CACNA2D1: variants seen among roughly 807,000 people sequenced by gnomAD.
CACNA2D1 encodes calcium voltage-gated channel auxiliary subunit alpha2delta 1, also known as voltage-dependent calcium channel subunit alpha-2/delta-1.
In CACNA2D1, 53 loss-of-function variants were observed where a neutral mutation model predicts 171.5. That is an observed-to-expected ratio of 0.31 (90% CI 0.25 to 0.39). The LOEUF (loss-of-function observed/expected upper bound fraction) is 0.39. Ranked by LOEUF, CACNA2D1 falls within the 10% of genes least tolerant of loss-of-function variation. The probability of loss-of-function intolerance (pLI) is 1.00; values close to 1 mark genes in which losing one functional copy is unlikely to be tolerated. For synonymous variants in CACNA2D1, 442 were observed against 443.1 expected, an observed-to-expected ratio of 1.00 and a Z score of 0.03; for missense variants, 903 against 1,299.8, an observed-to-expected ratio of 0.69 and a Z score of 4.69.
chr7:82,197,175 T>C (rs906616183), intron 3 of CACNA2D1, among the ~76,000 whole-genome samples: 1 of 151,950 alleles, frequency 6.6e-6, no homozygotes, highest in Non-Finnish European at 1.5e-5. Context: ...TAATCTTTAC[T>C]AAAGATTACT....
intron 3 of CACNA2D1, among the ~76,000 whole-genome samples, chr7:82,206,728 C>T (rs1376976696): frequency 6.6e-6 from 1 of 151,984 alleles, no homozygotes; most frequent in East Asian, 1.9e-4. Context: ...AGGATAAAAA[C>T]TATTTTTCCA....
At chr7:82,006,558 A>T (rs554766506) in intron 16 of CACNA2D1, among the ~76,000 whole-genome samples, 266 of 152,216 alleles carry the variant, frequency 1.7e-3, no homozygotes, top group African/African-American at 6.1e-3. Context: ...AAAATTATAA[A>T]ATCTAGTAAT....
chr7:82,374,942 T>G (rs1204976109), intron 1 of CACNA2D1, among the ~76,000 whole-genome samples: 1 of 148,890 alleles, frequency 6.7e-6, no homozygotes, highest in African/African-American at 2.6e-5. Flanking sequence ...AAGGGATCTC[T>G]CTAAAGGATT....
intron 10 of CACNA2D1, among the ~76,000 whole-genome samples, chr7:82,046,900 T>C (rs1266502943): frequency 1.3e-5 from 2 of 152,234 alleles, no homozygotes; most frequent in African/African-American, 4.8e-5. Flanking sequence ...AAATCTTGGA[T>C]GGATTTCTGA....
At chr7:82,237,259 T>C (rs1803693400) in intron 3 of CACNA2D1, among the ~76,000 whole-genome samples, 2 of 131,430 alleles carry the variant, frequency 1.5e-5, no homozygotes, top group Non-Finnish European at 3.7e-5. Flanking sequence ...ATAATCATTT[T>C]CCCCCTGACA....
chr7:81,953,600 G>A (rs1792859241), intron 38 of CACNA2D1, among the ~76,000 whole-genome samples: 1 of 151,634 alleles, frequency 6.6e-6, no homozygotes, highest in Non-Finnish European at 1.5e-5. Flanking sequence ...TTCATACACA[G>A]AAGAGTGGCT....
intron 1 of CACNA2D1, among the ~76,000 whole-genome samples, chr7:82,373,119 G>T (rs184996337): frequency 3.3e-5 from 5 of 152,266 alleles, no homozygotes; most frequent in African/African-American, 1.2e-4. Flanking sequence ...AGGAGGCAAA[G>T]GTTGCAGTGA....
chr7:82,052,854 A>G (rs1805345674), intron 10 of CACNA2D1, among the ~76,000 whole-genome samples: 2 of 152,158 alleles, frequency 1.3e-5, no homozygotes, highest in African/African-American at 4.8e-5. Context: ...GACTTTTTCT[A>G]CTGTTTTCTT....
chr7:82,279,215 T>C (rs536326830), intron 3 of CACNA2D1, among the ~76,000 whole-genome samples: 5 of 152,356 alleles, frequency 3.3e-5, no homozygotes, highest in African/African-American at 1.2e-4. Context: ...CTGAAATGAA[T>C]ATGTTCTGCA....
chr7:81,993,966 G>A (rs1797802805), intron 20 of CACNA2D1, among the ~76,000 whole-genome samples: 1 of 151,988 alleles, frequency 6.6e-6, no homozygotes, highest in Non-Finnish European at 1.5e-5. Flanking sequence ...ACCTCCCTTT[G>A]CGTTCTGTAA....
intron 6 of CACNA2D1, 81 bp from the exon 7 acceptor site, chr7:82,084,981 A>G: frequency 1.7e-6 from 2 of 1,150,178 alleles, no homozygotes; most frequent in Middle Eastern, 2.1e-4. Context: ...ACAAAATAAT[A>G]TTAAATATGT....
chr7:82,003,323 T>C (rs924926995), intron 18 of CACNA2D1, among the ~76,000 whole-genome samples: 2 of 152,088 alleles, frequency 1.3e-5, no homozygotes, highest in African/African-American at 4.8e-5. Context: ...AATATAAAGA[T>C]ATGCAAAGCT....
chr7:82,416,797 A>AGGAATTTT (rs1028263267), intron 1 of CACNA2D1, among the ~76,000 whole-genome samples: 1 of 152,310 alleles, frequency 6.6e-6, no homozygotes, highest in African/African-American at 2.4e-5. Flanking sequence ...AATTCAACAC[A>AGGAATTTT]GGAATTTTGG....
rs149600505 is a variant in CACNA2D1 at position 82,439,111 on chromosome 7, T to C, written c.95+4254A>G. Among the ~76,000 whole-genome samples, 24 of 152,186 alleles carry C rather than the reference T, an allele frequency of 1.6e-4. No homozygotes were observed. In the East Asian group the frequency reaches 2.3e-3, roughly 15 times the overall value. On this transcript the variant is annotated intron_variant, in intron 1 of 38. Transcript: ENST00000356860. ...AAATTCTTGGAAACTTGCATCTATA[T>C]TGAGAAATAGGGAAATCAAGAGAAA...
chr7:82,172,205 C>T (rs933833971), intron 3 of CACNA2D1, among the ~76,000 whole-genome samples: 4 of 151,874 alleles, frequency 2.6e-5, no homozygotes, highest in African/African-American at 9.7e-5. Context: ...CATAGAGTAA[C>T]CAAAAGGCGG....
chr7:82,299,746 T>G (rs1242879963), intron 3 of CACNA2D1, among the ~76,000 whole-genome samples: 4 of 152,134 alleles, frequency 2.6e-5, no homozygotes, highest in African/African-American at 9.7e-5. Context: ...AACTTCAGTT[T>G]TATTATATGA....
intron 4 of CACNA2D1, among the ~76,000 whole-genome samples, chr7:82,150,105 C>T (rs529058486): frequency 2.1e-4 from 32 of 152,036 alleles, no homozygotes; most frequent in African/African-American, 7.5e-4. Context: ...AATGCTTAAA[C>T]GGCTTTAAGC....
intron 2 of CACNA2D1, among the ~76,000 whole-genome samples, chr7:82,339,591 G>A (rs1260673446): frequency 6.6e-6 from 1 of 152,134 alleles, no homozygotes; most frequent in Non-Finnish European, 1.5e-5. Flanking sequence ...GGCATGTAAC[G>A]AGCCAAATAT....
At chr7:82,007,195 A>C (rs1799205785) in intron 16 of CACNA2D1, among the ~76,000 whole-genome samples, 1 of 152,180 alleles carries the variant, frequency 6.6e-6, no homozygotes, top group Admixed American at 6.5e-5. Flanking sequence ...ATAGAAAAAA[A>C]AAGAGAAATA....
Sources: allele counts gnomAD v4.1 joint callset (sites outside exome capture counted in the v4.1 genomes callset), GRCh38; gene constraint gnomAD v4.1.1; transcripts MANE v1.5; gene names NCBI Gene and HGNC (gene_info 2026-07-23, HGNC 2026-07-21).